ZNF18: variants seen among roughly 807,000 people sequenced by gnomAD.
ZNF18 encodes the protein zinc finger protein 18, also known as heart development-specific gene 1 protein.
A neutral mutation model predicts 58.1 loss-of-function variants in ZNF18; 42 were observed. The ratio of observed to expected loss-of-function variants is 0.72; its 90% confidence interval spans 0.56 to 0.93. The LOEUF (loss-of-function observed/expected upper bound fraction) is 0.93, where lower values mean the gene tolerates loss of function less well. ZNF18 is among the 40% of genes least tolerant of loss of function. The probability of loss-of-function intolerance (pLI) is 0.00; values close to 1 mark genes in which losing one functional copy is unlikely to be tolerated. For synonymous variants in ZNF18, 231 were observed against 239.8 expected (o/e 0.96, Z 0.34); for missense variants, 540 against 644.2 (o/e 0.84, Z 1.75).
chr17:11,992,238 G>C (rs1437348515), intron 2 of ZNF18, among the ~76,000 whole-genome samples: 1 of 152,184 alleles, frequency 6.6e-6, no homozygotes, highest in African/African-American at 2.4e-5. Flanking sequence ...AGCAGTCTTG[G>C]ATTGAGCCCT....
chr17:12,014,876 G>A, the ZNF18 span, among the ~76,000 whole-genome samples: 10 of 152,094 alleles, frequency 6.6e-5, no homozygotes, highest in South Asian at 1.7e-3. Context: ...CGGTGAAACC[G>A]TCTCTACTAA....
At chr17:12,014,405 T>C in the ZNF18 span, among the ~76,000 whole-genome samples, 26 of 152,304 alleles carry the variant, frequency 1.7e-4, no homozygotes, top group African/African-American at 5.8e-4. Context: ...AATAGACAAA[T>C]GGATAAACAA....
chr17:12,013,310 T>C, the ZNF18 span, among the ~76,000 whole-genome samples: 1 of 152,256 alleles, frequency 6.6e-6, no homozygotes, highest in Non-Finnish European at 1.5e-5. Context: ...AATTGAAACA[T>C]TTTCCCAGTT....
chr17:11,981,687 T>C (rs1338753745), intron 6 of ZNF18, among the ~76,000 whole-genome samples: 1 of 152,016 alleles, frequency 6.6e-6, no homozygotes, highest in Non-Finnish European at 1.5e-5. Context: ...GAGCTATATA[T>C]AGCAAATAAG....
At chr17:11,983,184 C>A in intron 6 of ZNF18, 113 bp downstream of exon 6, 1 of 718,036 alleles carries the variant, frequency 1.4e-6, no homozygotes, top group Middle Eastern at 3.6e-4. Context: ...CTAGTTATAA[C>A]CAACGTAATA....
chr17:12,006,023 T>C, the ZNF18 span, among the ~76,000 whole-genome samples: 2 of 152,014 alleles, frequency 1.3e-5, no homozygotes, highest in Non-Finnish European at 2.9e-5. Flanking sequence ...TAATTCCACA[T>C]TATTTTGACT....
chr17:12,009,898 C>A, the ZNF18 span, among the ~76,000 whole-genome samples: 1 of 152,148 alleles, frequency 6.6e-6, no homozygotes, highest in Non-Finnish European at 1.5e-5. Flanking sequence ...TTCCAACATA[C>A]AGATTTGTGA....
chr17:11,983,879 C>T (rs781772700), intron 5 of ZNF18, among the ~76,000 whole-genome samples: 23 of 152,172 alleles, frequency 1.5e-4, no homozygotes, highest in Non-Finnish European at 2.6e-4. Context: ...AAAGAAGTTA[C>T]TCCGTGCAAT....
the ZNF18 span, among the ~76,000 whole-genome samples, chr17:12,015,521 T>C: frequency 6.6e-6 from 1 of 152,232 alleles, no homozygotes; most frequent in African/African-American, 2.4e-5. Flanking sequence ...TGTGACATTT[T>C]TAGTTTTGTT....
chr17:12,020,812 C>A, the ZNF18 span: 1 of 636,020 alleles, frequency 1.6e-6, no homozygotes, highest in Admixed American at 4.5e-5. Context: ...GTAAGCCTCG[C>A]CCCTCGGCCG....
At chr17:12,010,990 T>C in the ZNF18 span, 1 of 737,598 alleles carries the variant, frequency 1.4e-6, no homozygotes, top group Non-Finnish European at 2.5e-6. Context: ...CCTTAACTTG[T>C]TTGTTTACAA....
intron 4 of ZNF18, among the ~76,000 whole-genome samples, chr17:11,985,234 A>G (rs1042735354): frequency 2.0e-5 from 3 of 152,216 alleles, no homozygotes; most frequent in African/African-American, 7.2e-5. Flanking sequence ...GGAATACCAT[A>G]CAGCTAGGGT....
chr17:11,985,059 T>C (rs1423825490), intron 4 of ZNF18, among the ~76,000 whole-genome samples: 2 of 152,242 alleles, frequency 1.3e-5, no homozygotes, highest in African/African-American at 2.4e-5. Flanking sequence ...AGAGATGTTA[T>C]AGCCATACTT....
intron 4 of ZNF18, among the ~76,000 whole-genome samples, chr17:11,985,038 T>G (rs1390540311): frequency 6.6e-6 from 1 of 152,178 alleles, no homozygotes; most frequent in Non-Finnish European, 1.5e-5. Context: ...ATTGGTATAT[T>G]CAGAGAAGAG....
chr17:11,978,832 T>C (rs951272649), intron 6 of ZNF18, 88 bp from the exon 7 acceptor site: 20 of 463,750 alleles, frequency 4.3e-5, no homozygotes. Flanking sequence ...TCATAAAACA[T>C]TCATTTTCTT....
At chr17:11,982,657 A>AGTGTGTGTGT (rs143602913) in intron 6 of ZNF18, among the ~76,000 whole-genome samples, 7,437 of 136,688 alleles carry the variant, frequency 0.054, 259 homozygotes, top group Admixed American at 0.078. Flanking sequence ...TATATATAAA[A>AGTGTGTGTGT]GTGTGTGTGT....
At chr17:12,020,637 C>A in the ZNF18 span, among the ~76,000 whole-genome samples, 6 of 152,164 alleles carry the variant, frequency 3.9e-5, no homozygotes, top group Non-Finnish European at 8.8e-5. Flanking sequence ...TTAGGCCCCG[C>A]GGGCCCGCAG....
At chr17:11,985,898 A>G (rs1967707880) in intron 4 of ZNF18, among the ~76,000 whole-genome samples, 1 of 152,206 alleles carries the variant, frequency 6.6e-6, no homozygotes, top group South Asian at 2.1e-4. Context: ...GGCTTCAGGG[A>G]ATAGAAATGA....
At chr17:12,010,354 T>C in the ZNF18 span, among the ~76,000 whole-genome samples, 1 of 151,968 alleles carries the variant, frequency 6.6e-6, no homozygotes, top group Non-Finnish European at 1.5e-5. Context: ...GTAAGTAAAA[T>C]AGAATGTATT....
Sources: allele counts gnomAD v4.1 joint callset (sites outside exome capture counted in the v4.1 genomes callset), GRCh38; gene constraint gnomAD v4.1.1; transcripts MANE v1.5; gene names NCBI Gene and HGNC (gene_info 2026-07-23, HGNC 2026-07-21).